ATF6: variants seen among roughly 807,000 people sequenced by gnomAD.
ATF6 encodes cyclic AMP-dependent transcription factor ATF-6 alpha.
In ATF6, 53 loss-of-function variants were observed where a neutral mutation model predicts 83.6. The ratio of observed to expected loss-of-function variants is 0.63; its 90% CI spans 0.51 to 0.80. The LOEUF (loss-of-function observed/expected upper bound fraction) is 0.80, where lower values mean the gene tolerates loss of function less well. ATF6 is among the 30% of genes least tolerant of loss of function. ATF6 has a pLI of 0.00. For synonymous variants in ATF6, 288 were observed against 285.8 expected (o/e 1.01, Z -0.08); for missense variants, 744 against 797.9 (o/e 0.93, Z 0.81).
rs1051825406 is a variant in ATF6, at chr1:161,808,783, G to T, written c.909+6511G>T. The stretch of plus-strand genomic sequence containing the variant: ...TGGGGGTCTTGTTGTATTGCACAGG[G>T]TGGTCTTGAGCTCCTGGCCTCAAAT... On this transcript the variant is annotated intron_variant, in intron 7 of 15. Coordinates refer to ENST00000367942, the MANE Select transcript of ATF6 (RefSeq NM_007348.4). 2.6e-5 allele frequency among the ~76,000 whole-genome samples: 4 copies of T among 151,532 alleles called. No homozygotes were observed. In the South Asian group the frequency reaches 8.3e-4, roughly 32 times the overall value.
At chr1:161,867,226 C>T (rs527396375) in intron 14 of ATF6, among the ~76,000 whole-genome samples, 53 of 151,820 alleles carry the variant, frequency 3.5e-4, no homozygotes, top group Admixed American at 8.5e-4. Context: ...ACCTGGGAGA[C>T]GGAGCTTGCA....
intron 14 of ATF6, among the ~76,000 whole-genome samples, chr1:161,895,001 G>T (rs1178741730): frequency 6.6e-6 from 1 of 152,070 alleles, no homozygotes; most frequent in Non-Finnish European, 1.5e-5. Flanking sequence ...CACTTTGGGG[G>T]GCCAAGGTGG....
At chr1:161,909,981 C>T (rs529178332) in intron 14 of ATF6, among the ~76,000 whole-genome samples, 20 of 151,776 alleles carry the variant, frequency 1.3e-4, no homozygotes, top group Non-Finnish European at 2.8e-4. Flanking sequence ...CAGTAAGAGG[C>T]CAGTAAATAT....
At chr1:161,921,439 C>G (rs1028988404) in intron 15 of ATF6, among the ~76,000 whole-genome samples, 4 of 152,092 alleles carry the variant, frequency 2.6e-5, no homozygotes, top group Middle Eastern at 3.4e-3. Context: ...AGGATAGATA[C>G]TTTGGAACAA....
intron 15 of ATF6, among the ~76,000 whole-genome samples, chr1:161,932,773 C>G (rs1473652777): frequency 1.3e-5 from 2 of 152,214 alleles, no homozygotes; most frequent in East Asian, 3.8e-4. Context: ...AGTCAGGCTG[C>G]TGGCTGGTGC....
intron 1 of ATF6, among the ~76,000 whole-genome samples, chr1:161,777,828 G>T (rs79999600): frequency 1.5e-3 from 226 of 152,256 alleles, no homozygotes; most frequent in Non-Finnish European, 2.6e-3. Flanking sequence ...AATACGCAGT[G>T]TGTATATACT....
intron 10 of ATF6, among the ~76,000 whole-genome samples, chr1:161,846,833 T>C (rs927675033): frequency 6.6e-6 from 1 of 151,962 alleles, no homozygotes; most frequent in Non-Finnish European, 1.5e-5. Context: ...TTAATATACA[T>C]ATTGAAATAT....
At position 161,912,396 on chromosome 1, in the gene ATF6, G is replaced by A. The variant is rs1195076312; in HGVS notation, c.1804+16G>A. On this transcript the variant is annotated intron_variant, in intron 15 of 15. Transcript: ENST00000367942. Reference sequence around the variant, plus strand: ...AACATAAATGGTAAGTTGAAATTCTGATGTATGAACAATATGAGATTTCTT... The same window carrying A: ...AACATAAATGGTAAGTTGAAATTCTAATGTATGAACAATATGAGATTTCTT... The A allele has an allele frequency of 1.3e-6, 2 of 1,553,866 alleles. No individual in the cohort carries two copies. Among genetic ancestry groups the A allele is most frequent in the Admixed American group, 1.7e-5 (1 of 57,814 alleles).
chr1:161,903,062 C>T (rs746920465), intron 14 of ATF6, among the ~76,000 whole-genome samples: 2 of 151,804 alleles, frequency 1.3e-5, no homozygotes, highest in African/African-American at 4.8e-5. Context: ...TTTAATTAAA[C>T]TTTAATTTAA....
intron 15 of ATF6, among the ~76,000 whole-genome samples, chr1:161,943,235 C>T (rs953318433): frequency 6.6e-6 from 1 of 152,078 alleles, no homozygotes; most frequent in African/African-American, 2.4e-5. Context: ...GGGCTGTTTC[C>T]CCCATGCGGT....
chr1:161,836,399 A>T (rs1242764954), intron 9 of ATF6, among the ~76,000 whole-genome samples: 1 of 152,196 alleles, frequency 6.6e-6, no homozygotes, highest in Non-Finnish European at 1.5e-5. Context: ...TTTTAAATGA[A>T]ATCTAATTTG....
chr1:161,949,878 G>A (rs1558037753), intron 15 of ATF6, among the ~76,000 whole-genome samples: 2 of 152,126 alleles, frequency 1.3e-5, no homozygotes, highest in South Asian at 2.1e-4. Flanking sequence ...GAGATTTGGA[G>A]GGGACAAATA....
At chr1:161,810,398 C>T (rs1437984071) in intron 7 of ATF6, among the ~76,000 whole-genome samples, 1 of 152,136 alleles carries the variant, frequency 6.6e-6, no homozygotes, top group East Asian at 1.9e-4. Flanking sequence ...ATCATGAGAA[C>T]AGCAAGGTGG....
intron 14 of ATF6, among the ~76,000 whole-genome samples, chr1:161,878,437 G>A (rs994511824): frequency 4.6e-5 from 7 of 152,062 alleles, no homozygotes; most frequent in Non-Finnish European, 8.8e-5. Flanking sequence ...TTATCTCATG[G>A]ATTTACATGG....
intron 15 of ATF6, among the ~76,000 whole-genome samples, chr1:161,948,447 C>T (rs1688799400): frequency 6.6e-6 from 1 of 152,114 alleles, no homozygotes. Flanking sequence ...AGAAGGCAGT[C>T]ATCAGTTACT....
chr1:161,799,241 A>G (rs1486235332), intron 6 of ATF6, among the ~76,000 whole-genome samples: 1 of 152,200 alleles, frequency 6.6e-6, no homozygotes, highest in East Asian at 1.9e-4. Flanking sequence ...ATTCAATACT[A>G]CACAGCCATA....
chr1:161,937,895 A>AT (rs978041435), intron 15 of ATF6, among the ~76,000 whole-genome samples: 7 of 151,542 alleles, frequency 4.6e-5, no homozygotes, highest in African/African-American at 1.7e-4. Flanking sequence ...ATAATAAAAA[A>AT]AAAAATCACG....
rs757997210 is a variant in ATF6 at position 161,792,293 on chromosome 1, A to G, written c.654A>G (p.Gln218=). The G allele has an allele frequency of 2.3e-5, 37 of 1,614,070 alleles. 1 individual carries two copies. In the South Asian group the frequency reaches 3.7e-4, roughly 16 times the overall value. The change falls in exon 6 of 16, where the codon CAA becomes CAG. Residue 218 remains glutamine (Q), a synonymous_variant. Transcript: ENST00000367942. The part of the protein sequence containing the change: ...VPTLMPLAKQ[Q]PIISLQPAPT... ...CGCTTATGCCATTGGCAAAGCAGCA[A>G]CCAATTATCAGTTTACAACCTGCAC... is the stretch of plus-strand genomic sequence containing the variant.
chr1:161,851,274 A>C lies in ATF6; in HGVS notation c.1320-448A>C, dbSNP rs374713494. ...CACACACACACACACACACACACAC[A>C]CCCCTACCTGTTTTACAGATACTAT... is the stretch of plus-strand genomic sequence containing the variant. On this transcript the variant is annotated intron_variant, in intron 10 of 15. Transcript: ENST00000367942. 8.7e-4 allele frequency among the ~76,000 whole-genome samples: 126 copies of C among 144,224 alleles called. 1 individual carries two copies. The highest frequency in any genetic ancestry group is 1.5e-3 in the South Asian group (7 of 4,536). 94.6% of individuals were successfully genotyped at this position (144,224 alleles called of 152,430 possible). A position where few individuals can be genotyped will look rare whatever the true frequency, so the allele number is the denominator to read the frequency against.
Sources: allele counts gnomAD v4.1 joint callset (sites outside exome capture counted in the v4.1 genomes callset), GRCh38; gene constraint gnomAD v4.1.1; transcripts MANE v1.5; gene names NCBI Gene and HGNC (gene_info 2026-07-23, HGNC 2026-07-21).